FLNB: variants seen among roughly 807,000 people sequenced by gnomAD.
The protein encoded by FLNB is filamin B, also known as filamin-B.
FLNB carries 111 observed loss-of-function variants against 250.6 expected under a neutral mutation model. That is an observed-to-expected ratio of 0.44 (90% confidence interval 0.38 to 0.52). The LOEUF (loss-of-function observed/expected upper bound fraction) is 0.52. FLNB is among the 20% of genes least tolerant of loss of function. The pLI is 0.00. For missense variants in FLNB, 2,869 were observed against 3,447.8 expected, an observed-to-expected ratio of 0.83 and a Z score of 4.20; for synonymous variants, 1,302 against 1,372.1, an observed-to-expected ratio of 0.95 and a Z score of 1.13.
At chr3:58,110,693 G>T (rs1273513006) in intron 16 of FLNB, among the ~76,000 whole-genome samples, 1 of 152,134 alleles carries the variant, frequency 6.6e-6, no homozygotes, top group Non-Finnish European at 1.5e-5. Flanking sequence ...TGATACGCCT[G>T]CCTTGGCCTC....
intron 6 of FLNB, among the ~76,000 whole-genome samples, chr3:58,097,261 G>A (rs3772995): frequency 0.43 from 64,696 of 151,918 alleles, 15,311 homozygotes; most frequent in East Asian, 0.92. Flanking sequence ...GCTCTTGAAG[G>A]GAGCATTTAT....
Position 58,118,379 on chromosome 3 carries a change from G to A in FLNB, c.2746-493G>A, listed in dbSNP as rs754530016. Among the ~76,000 whole-genome samples the A allele has an allele frequency of 2.4e-4, 37 of 152,300 alleles. 1 individual carries two copies. The Middle Eastern group carries it at 0.01, about 42-fold the overall frequency. On this transcript the variant is annotated intron_variant, in intron 18 of 45. Coordinates refer to ENST00000295956, the MANE Select transcript of FLNB (RefSeq NM_001457.4). Reference sequence around the variant, plus strand: ...TTGGTGAGTGGCCCCAGGCCCAGCTGCACTGGCTGGCACTGGGTATGATGA... The same window carrying A: ...TTGGTGAGTGGCCCCAGGCCCAGCTACACTGGCTGGCACTGGGTATGATGA...
intron 1 of FLNB, among the ~76,000 whole-genome samples, chr3:58,029,901 C>T (rs949323636): frequency 1.3e-5 from 2 of 152,166 alleles, no homozygotes; most frequent in African/African-American, 4.8e-5. Context: ...TCCGTCCTCA[C>T]TGCTCTCATC....
intron 1 of FLNB, among the ~76,000 whole-genome samples, chr3:58,076,615 C>T (rs902379524): frequency 2.0e-5 from 3 of 151,578 alleles, no homozygotes; most frequent in South Asian, 2.1e-4. Flanking sequence ...CCACCATGCT[C>T]GGCTAATTTT....
Position 58,078,818 on chromosome 3 carries a change from T to A in FLNB, c.639+4T>A, listed in dbSNP as rs780463121. 6.2e-7 allele frequency: 1 copy of A among 1,608,324 alleles called. No individual in the cohort carries two copies. Among genetic ancestry groups the A allele is most frequent in the Non-Finnish European group, 8.5e-7 (1 of 1,176,360 alleles). On this transcript the variant is annotated splice_donor_region_variant and intron_variant, in intron 3 of 45. Transcript: ENST00000295956. Reference sequence around the variant, plus strand: ...TGACTGGCTGGGTGTCCCACAGGTATGCACAAGTGTGCCAGGTCCTGTGAG... The same window carrying A: ...TGACTGGCTGGGTGTCCCACAGGTAAGCACAAGTGTGCCAGGTCCTGTGAG...
intron 8 of FLNB, among the ~76,000 whole-genome samples, chr3:58,101,582 A>G (rs2097251300): frequency 6.6e-6 from 1 of 152,202 alleles, no homozygotes; most frequent in African/African-American, 2.4e-5. Context: ...GTTTACTGCT[A>G]ATTATTGCCT....
rs144089258 is a variant in FLNB at position 58,137,122 on chromosome 3, C to A, written c.4861+954C>A. On this transcript the variant is annotated intron_variant, in intron 28 of 45. Transcript: ENST00000295956. ...TCTCTAAAATGAGACAGATTTACTT[C>A]TTTTTAAATAAGAAGACTAAACACA... is the stretch of plus-strand genomic sequence containing the variant. 1.7e-3 allele frequency among the ~76,000 whole-genome samples: 261 copies of A among 151,974 alleles called. 2 individuals are homozygous for A. Among genetic ancestry groups the A allele is most frequent in the Non-Finnish European group, 2.7e-3 (183 of 68,022 alleles).
chr3:58,080,301 G>A (rs1285189917), intron 3 of FLNB, among the ~76,000 whole-genome samples: 1 of 152,146 alleles, frequency 6.6e-6, no homozygotes, highest in East Asian at 1.9e-4. Context: ...CAGAGCCTCT[G>A]TTCATCTGAG....
intron 1 of FLNB, among the ~76,000 whole-genome samples, chr3:58,032,409 T>G (rs1457805705): frequency 2.0e-5 from 3 of 152,168 alleles, no homozygotes; most frequent in Admixed American, 6.5e-5. Context: ...AATGTAAGGC[T>G]TCCTCTGTTG....
Position 58,103,962 on chromosome 3 carries a change from G to T in FLNB, c.1487G>T (p.Gly496Val), listed in dbSNP as rs1329676199. ...ATTATCTCCTTCCTTCCCACAGAGG[G>T]TCTGGAGGAGCTGGTGAAGCAGAAA... ...ELGVTMKGPK[G>V]LEELVKQKDF... is the part of the protein sequence containing the mutation. Residue 496 changes from glycine (G) to valine (V), a missense_variant, in exon 10 of 46, where the codon GGT (glycine) becomes GTT (valine). Around this residue, in one of 5 missense-constraint regions of FLNB, gnomAD observed 1,348 missense variants for 1,466.7 expected, o/e 0.92. Coordinates refer to ENST00000295956, the MANE Select transcript of FLNB (RefSeq NM_001457.4). 1.2e-6 allele frequency: 2 copies of T among 1,614,082 alleles called. No homozygotes were observed. Among genetic ancestry groups the T allele is most frequent in the Admixed American group, 1.7e-5 (1 of 60,020 alleles).
At chr3:58,044,708 C>T (rs775196184) in intron 1 of FLNB, among the ~76,000 whole-genome samples, 1 of 152,176 alleles carries the variant, frequency 6.6e-6, no homozygotes, top group Non-Finnish European at 1.5e-5. Flanking sequence ...GAAGCTCTAG[C>T]CCAGCTACGT....
At chr3:58,151,838 G>T (rs181968554) in intron 38 of FLNB, among the ~76,000 whole-genome samples, 19 of 152,290 alleles carry the variant, frequency 1.2e-4, no homozygotes, top group African/African-American at 3.8e-4. Context: ...GGGCTGGGCT[G>T]GTGCATTTCA....
chr3:58,020,045 AGG>A (rs748760440), intron 1 of FLNB, among the ~76,000 whole-genome samples: 3 of 111,030 alleles, frequency 2.7e-5, no homozygotes, highest in African/African-American at 1.0e-4. Context: ...ATGACACCAC[AGG>A]GGTGTGTGTG....
At chr3:58,034,692 G>A (rs939492098) in intron 1 of FLNB, among the ~76,000 whole-genome samples, 2 of 152,200 alleles carry the variant, frequency 1.3e-5, no homozygotes, top group African/African-American at 4.8e-5. Flanking sequence ...TATCCAAAAA[G>A]GGAGCTCATT....
In FLNB at chr3:58,169,362, A is replaced by ATTCATTTGCCC. The variant is rs2097377078; in HGVS notation, c.7418-228_7418-227insTTCATTTGCCC. On this transcript the variant is annotated intron_variant, in intron 44 of 45. Coordinates refer to ENST00000295956, the MANE Select transcript of FLNB (RefSeq NM_001457.4). This position sits in a 1 kb window ranked among gnomAD's most constrained non-coding sequence, Gnocchi z 4.8. ...GGGAGGGTCCTTGGCCTTGTCAGCC[A>ATTCATTTGCCC]AGGCCAGACTCATCCATTTGCCCAG... 7.1e-6 allele frequency: 4 copies of ATTCATTTGCCC among 563,102 alleles called. No homozygotes were observed. The South Asian group carries it at 8.0e-5, about 11-fold the overall frequency. The allele number at this position is 563,102 out of a possible 1,614,324, so 34.9% of individuals were successfully genotyped here.
chr3:58,058,040 T>C (rs9824672), intron 1 of FLNB, among the ~76,000 whole-genome samples: 8,774 of 152,184 alleles, frequency 0.058, 815 homozygotes, highest in African/African-American at 0.2. Flanking sequence ...CCGCCTGCCT[T>C]GGCCTCCTAA....
chr3:58,112,003 C>G, intron 17 of FLNB, 122 bp downstream of exon 17: 6 of 1,162,466 alleles, frequency 5.2e-6, no homozygotes, highest in Admixed American at 1.7e-5. Context: ...GGCAGGTTTT[C>G]TGTGCAGCTC....
intron 16 of FLNB, 59 bp from the exon 17 acceptor site, chr3:58,111,732 C>A: frequency 7.7e-7 from 1 of 1,291,820 alleles, no homozygotes; most frequent in Non-Finnish European, 1.1e-6. Flanking sequence ...GTTGAAGGCT[C>A]CCTGAGCTCT....
At chr3:58,023,551 C>T (rs2097117770) in intron 1 of FLNB, among the ~76,000 whole-genome samples, 1 of 152,102 alleles carries the variant, frequency 6.6e-6, no homozygotes, top group Non-Finnish European at 1.5e-5. Flanking sequence ...TTACAGCTGC[C>T]TTTTAATCAG....
Sources: allele counts gnomAD v4.1 joint callset (sites outside exome capture counted in the v4.1 genomes callset), GRCh38; gene constraint gnomAD v4.1.1; regional missense constraint gnomAD v4.1.1; non-coding constraint Gnocchi (gnomAD v3.1); transcripts MANE v1.5; gene names NCBI Gene and HGNC (gene_info 2026-07-23, HGNC 2026-07-21).